The following RAD51B variants were observed in gnomAD, a reference collection of about 807,000 sequenced individuals.
RAD51B encodes DNA repair protein RAD51 homolog 2.
RAD51B carries 38 observed loss-of-function variants against 42.2 expected under a neutral mutation model. The ratio of observed to expected loss-of-function variants is 0.90; its 90% confidence interval spans 0.70 to 1.18. The LOEUF (loss-of-function observed/expected upper bound fraction) is 1.18, where lower values mean the gene tolerates loss of function less well. Among genes scored for constraint, RAD51B ranks in the 50% most tolerant of loss-of-function variants. RAD51B has a pLI of 0.00. For synonymous variants in RAD51B, 154 were observed against 145.2 expected, an observed-to-expected ratio of 1.06 and a Z score of -0.43; for missense variants, 373 against 400.7, an observed-to-expected ratio of 0.93 and a Z score of 0.59.
intron 7 of RAD51B, among the ~76,000 whole-genome samples, chr14:68,281,479 G>A (rs944675947): frequency 6.6e-6 from 1 of 152,188 alleles, no homozygotes; most frequent in African/African-American, 2.4e-5. Flanking sequence ...CTGAGTAGGT[G>A]TGGAATAAAT....
At chr14:68,452,983 T>A (rs1318321526) in intron 9 of RAD51B, among the ~76,000 whole-genome samples, 3 of 152,188 alleles carry the variant, frequency 2.0e-5, no homozygotes, top group African/African-American at 7.2e-5. Flanking sequence ...CATGACTTGA[T>A]AATAGCTAAA....
At chr14:68,569,452 C>A (rs907447237) in intron 10 of RAD51B, among the ~76,000 whole-genome samples, 9 of 152,218 alleles carry the variant, frequency 5.9e-5, no homozygotes, top group African/African-American at 2.2e-4. Flanking sequence ...CCCTTGGATG[C>A]ACTCAAATTT....
At chr14:68,200,972 A>G in intron 7 of RAD51B, among the ~76,000 whole-genome samples, 1 of 152,078 alleles carries the variant, frequency 6.6e-6, no homozygotes, top group East Asian at 1.9e-4. Context: ...TTTTTCTATA[A>G]TTGTACAAAG....
At chr14:68,537,092 CAAAA>C (rs5809385) in intron 10 of RAD51B, among the ~76,000 whole-genome samples, 2 of 104,742 alleles carry the variant, frequency 1.9e-5, no homozygotes, top group African/African-American at 3.8e-5. Flanking sequence ...GGTCCTGTCT[CAAAA>C]AAAAAAAAAA....
At chr14:68,594,977 C>T in exon 11 of RAD51B, 1 of 1,077,220 alleles carries the variant, frequency 9.3e-7, no homozygotes, top group Non-Finnish European at 1.1e-6. Context: ...CCCACTGTGG[C>T]AGCTTGAATT....
At chr14:68,292,021 C>T (rs1490276073) in intron 8 of RAD51B, 41 bp downstream of exon 8, 1 of 1,518,874 alleles carries the variant, frequency 6.6e-7, no homozygotes, top group Non-Finnish European at 9.1e-7. Flanking sequence ...TTGACACTGA[C>T]ATAGAGCCCC....
chr14:68,253,719 AG>A (rs2080690614), intron 7 of RAD51B, among the ~76,000 whole-genome samples: 1 of 152,262 alleles, frequency 6.6e-6, no homozygotes, highest in Non-Finnish European at 1.5e-5. Flanking sequence ...TATGCTTTAC[AG>A]TAACCCCCCT....
chr14:68,091,421 G>A (rs376709414), intron 7 of RAD51B, among the ~76,000 whole-genome samples: 2 of 152,248 alleles, frequency 1.3e-5, no homozygotes, highest in South Asian at 4.1e-4. Flanking sequence ...GTATCTCATT[G>A]TGGTTTTGAT....
chr14:68,271,663 T>C (rs1251512616), intron 7 of RAD51B, among the ~76,000 whole-genome samples: 1 of 152,198 alleles, frequency 6.6e-6, no homozygotes, highest in East Asian at 1.9e-4. Flanking sequence ...TCTTTACCTG[T>C]CAAATGGGTA....
Position 67,835,290 on chromosome 14 carries a change from A to C in RAD51B, c.315+94A>C, listed in dbSNP as rs1423572859. 13 of 902,542 alleles carry C rather than the reference A, an allele frequency of 1.4e-5. No homozygotes were observed. The East Asian group carries it at 2.9e-4, about 20-fold the overall frequency. The allele number at this position is 902,542 out of a possible 1,614,324, so 55.9% of individuals were successfully genotyped here. A position where few individuals can be genotyped will look rare whatever the true frequency, so the allele number is the denominator to read the frequency against. On this transcript the variant is annotated intron_variant, in intron 4 of 10. Coordinates refer to ENST00000471583, the MANE Select transcript of RAD51B (RefSeq NM_133510.4). The stretch of plus-strand genomic sequence containing the variant: ...TTAAAAAACATAAATTATTTCTGGA[A>C]CGGTAATCTGAATTAAATTATAAGT...
intron 11 of RAD51B, chr14:68,682,910 C>A (rs1309817032): frequency 2.9e-6 from 2 of 698,234 alleles, no homozygotes. Flanking sequence ...TAGCTTATGG[C>A]TTTTTTTTTT....
At chr14:68,655,696 G>A (rs923661212) in intron 11 of RAD51B, among the ~76,000 whole-genome samples, 10 of 152,206 alleles carry the variant, frequency 6.6e-5, no homozygotes, top group African/African-American at 1.9e-4. Flanking sequence ...CATACATCTC[G>A]GAAGTCAGCC....
At chr14:67,871,362 A>C (rs973266304) in intron 5 of RAD51B, among the ~76,000 whole-genome samples, 1 of 152,232 alleles carries the variant, frequency 6.6e-6, no homozygotes, top group Non-Finnish European at 1.5e-5. Context: ...TTCTGGACAC[A>C]TACACTCTCC....
intron 11 of RAD51B, among the ~76,000 whole-genome samples, chr14:68,661,769 G>A (rs919441148): frequency 3.3e-5 from 5 of 152,168 alleles, no homozygotes; most frequent in African/African-American, 1.2e-4. Flanking sequence ...AGCCCTGGGT[G>A]CGAACATCTC....
intron 5 of RAD51B, among the ~76,000 whole-genome samples, chr14:67,865,671 T>G (rs2042317049): frequency 6.6e-6 from 1 of 151,704 alleles, no homozygotes; most frequent in Middle Eastern, 3.2e-3. Flanking sequence ...CCTGAGTAGC[T>G]GGGATTACAG....
At chr14:68,312,677 C>T (rs1226414096) in intron 8 of RAD51B, among the ~76,000 whole-genome samples, 1 of 152,196 alleles carries the variant, frequency 6.6e-6, no homozygotes, top group Non-Finnish European at 1.5e-5. Flanking sequence ...GCATAATTAT[C>T]AAACTTTAAA....
chr14:68,003,776 C>T (rs1228907093), intron 7 of RAD51B, among the ~76,000 whole-genome samples: 7 of 152,060 alleles, frequency 4.6e-5, no homozygotes, highest in Admixed American at 6.6e-5. Context: ...TTGAGATAAT[C>T]GTGGTTTTTT....
chr14:68,176,726 G>C (rs2078968599), intron 7 of RAD51B, among the ~76,000 whole-genome samples: 1 of 152,080 alleles, frequency 6.6e-6, no homozygotes, highest in African/African-American at 2.4e-5. Context: ...GGTAAACTTT[G>C]GATCATGTAT....
At chr14:68,408,553 G>A (rs1850248334) in intron 8 of RAD51B, among the ~76,000 whole-genome samples, 1 of 152,168 alleles carries the variant, frequency 6.6e-6, no homozygotes, top group Non-Finnish European at 1.5e-5. Flanking sequence ...AGCAGACACT[G>A]CAAGCTTGAT....
Sources: gnomAD v4.1 joint callset for allele counts (sites outside exome capture counted in the v4.1 genomes callset) on GRCh38, gnomAD v4.1.1 for gene constraint, MANE v1.5 for transcripts, NCBI Gene and HGNC (gene_info 2026-07-23, HGNC 2026-07-21) for gene names.